Variants in CIBAR1 observed in about 807,000 individuals in gnomAD.
The protein encoded by CIBAR1 is CBY1-interacting BAR domain-containing protein 1.
A neutral mutation model predicts 44.0 loss-of-function variants in CIBAR1; 25 were observed. That is an observed-to-expected ratio of 0.57 (90% CI 0.41 to 0.79). CIBAR1 has a LOEUF of 0.79. Ranked by LOEUF, CIBAR1 falls within the 30% of genes least tolerant of loss-of-function variation. CIBAR1 has a pLI of 0.00. For missense variants in CIBAR1, 278 were observed against 344.8 expected (o/e 0.81, Z 1.53); for synonymous variants, 115 against 119.0 (o/e 0.97, Z 0.22).
At chr8:93,726,600 A>G in intron 8 of CIBAR1, 87 bp downstream of exon 8, 1 of 1,498,576 alleles carries the variant, frequency 6.7e-7, no homozygotes, top group East Asian at 2.4e-5. Context: ...CAGTCATATC[A>G]CCTCGGTAAC....
intron 6 of CIBAR1, among the ~76,000 whole-genome samples, chr8:93,710,351 G>T (rs1487195604): frequency 3.4e-5 from 5 of 148,340 alleles, no homozygotes; most frequent in African/African-American, 4.9e-5. Flanking sequence ...AAATGTATTG[G>T]TTTTTTTTTT....
rs971760042 is a variant in CIBAR1, at chr8:93,730,143, G to A, written c.*1846G>A. 2.0e-5 allele frequency: 3 copies of A among 152,224 alleles called. No individual in the cohort carries two copies. The highest frequency in any genetic ancestry group is 7.2e-5 in the African/African-American group (3 of 41,524). 9.4% of individuals were successfully genotyped at this position (152,224 alleles called of 1,614,324 possible). On this transcript the variant is annotated 3_prime_UTR_variant, in exon 9 of 9. Coordinates refer to ENST00000518322, the MANE Select transcript of CIBAR1 (RefSeq NM_145269.5). Reference sequence around the variant, plus strand: ...ACTCAACCTGTAGTACATTTACTAGGATTATCAGAATTAAATGATAGTTAA... The same window carrying A: ...ACTCAACCTGTAGTACATTTACTAGAATTATCAGAATTAAATGATAGTTAA...
Position 93,708,260 on chromosome 8 carries a change from G to A in CIBAR1, c.438+244G>A, listed in dbSNP as rs895539725. Among the ~76,000 whole-genome samples, 24 of 152,082 alleles carry A rather than the reference G, an allele frequency of 1.6e-4. 1 individual carries two copies. The highest frequency in any genetic ancestry group is 1.2e-3 in the Admixed American group (19 of 15,270). The stretch of plus-strand genomic sequence containing the variant: ...AACTTTATTAGGAAGAATTTAATCC[G>A]AAAACTGGGCTGTGTCTTTTTAAAT... On this transcript the variant is annotated intron_variant, in intron 5 of 8. Coordinates refer to ENST00000518322, the MANE Select transcript of CIBAR1 (RefSeq NM_145269.5).
chr8:93,703,825 GA>G, intron 3 of CIBAR1, 137 bp downstream of exon 3: 1 of 636,772 alleles, frequency 1.6e-6, no homozygotes. Context: ...AACACTTTGG[GA>G]GGTCGAGGCG....
Position 93,726,382 on chromosome 8 carries a change from T to A in CIBAR1, c.658-12T>A. On this transcript the variant is annotated splice_polypyrimidine_tract_variant and intron_variant, in intron 7 of 8. Transcript: ENST00000518322. ...GCATCTACTTTATAATGCTATTTTA[T>A]CATTACAATAGGTTTTCCGAAATTC... 6.2e-7 allele frequency: 1 copy of A among 1,606,718 alleles called. No homozygotes were observed.
At chr8:93,726,605 G>T in intron 8 of CIBAR1, 92 bp downstream of exon 8, 1 of 1,468,858 alleles carries the variant, frequency 6.8e-7, no homozygotes, top group Admixed American at 2.0e-5. Context: ...ATATCACCTC[G>T]GTAACTTATC....
intron 1 of CIBAR1, 134 bp downstream of exon 1, chr8:93,700,807 A>T (rs1304297265): frequency 7.5e-7 from 1 of 1,336,954 alleles, no homozygotes; most frequent in Non-Finnish European, 9.6e-7. Flanking sequence ...CCCCGCTGTG[A>T]CCTGGGGCCT....
At chr8:93,719,215 A>G (rs1321877433) in intron 7 of CIBAR1, among the ~76,000 whole-genome samples, 3 of 152,222 alleles carry the variant, frequency 2.0e-5, no homozygotes, top group African/African-American at 4.8e-5. Flanking sequence ...GTGTAATCCA[A>G]AATAGATGAA....
chr8:93,704,806 A>G (rs1810515059), intron 3 of CIBAR1, 103 bp from the exon 4 acceptor site: 2 of 645,224 alleles, frequency 3.1e-6, no homozygotes, highest in South Asian at 4.5e-5. Context: ...CACAAGAAGT[A>G]TTCTTCCATT....
intron 6 of CIBAR1, 142 bp downstream of exon 6, chr8:93,710,017 G>C: frequency 1.6e-6 from 1 of 617,856 alleles, no homozygotes; most frequent in Admixed American, 2.9e-5. Flanking sequence ...GGGCACAGTG[G>C]CTTATGCCTG....
At chr8:93,717,497 A>C (rs187277972) in intron 6 of CIBAR1, among the ~76,000 whole-genome samples, 2 of 152,320 alleles carry the variant, frequency 1.3e-5, no homozygotes, top group Admixed American at 1.3e-4. Context: ...TTTTTTACCT[A>C]GGCCCTGTCC....
chr8:93,726,211 T>C (rs1207869918), intron 7 of CIBAR1, 183 bp from the exon 8 acceptor site: 1 of 525,886 alleles, frequency 1.9e-6, no homozygotes, highest in East Asian at 3.5e-5. Flanking sequence ...TCAAATAGAA[T>C]TTTTAGCTTT....
intron 8 of CIBAR1, among the ~76,000 whole-genome samples, chr8:93,727,639 A>G (rs1811582685): frequency 1.3e-5 from 2 of 152,220 alleles, no homozygotes; most frequent in South Asian, 4.1e-4. Context: ...ATAAACACAC[A>G]GCCCCAATAC....
At chr8:93,715,961 T>A (rs1230202751) in intron 6 of CIBAR1, 1 of 152,192 alleles carries the variant, frequency 6.6e-6, no homozygotes, top group Non-Finnish European at 1.5e-5. Context: ...TAATATATAT[T>A]TTTAAAACTT....
At chr8:93,710,370 C>G (rs1019918154) in intron 6 of CIBAR1, among the ~76,000 whole-genome samples, 1 of 148,218 alleles carries the variant, frequency 6.7e-6, no homozygotes, top group Non-Finnish European at 1.5e-5. Flanking sequence ...TTAGTAGAAA[C>G]AGTGATATAT....
intron 1 of CIBAR1, chr8:93,700,984 A>G: frequency 7.2e-7 from 1 of 1,395,530 alleles, no homozygotes; most frequent in Non-Finnish European, 9.2e-7. Flanking sequence ...CAGCCGGAGC[A>G]GCCACCTCCC....
Position 93,701,448 on chromosome 8 carries a change from G to T in CIBAR1, c.251G>T (p.Arg84Leu). The T allele has an allele frequency of 6.2e-7, 1 of 1,612,924 alleles. No homozygotes were observed. Among genetic ancestry groups the T allele is most frequent in the South Asian group, 1.1e-5 (1 of 90,824 alleles). ...ADEFAKLQDYRQAEVERLEAK... is the reference protein window; with the variant it reads ...ADEFAKLQDYLQAEVERLEAK... ...GAGTTTGCCAAACTTCAGGATTATC[G>T]ACAAGCAGAGGTATGGAGTGAGATC... Residue 84 changes from arginine (R) to leucine (L), a missense_variant, in exon 2 of 9, where the codon CGA (arginine) becomes CTA (leucine). Arg to Leu is a moderately radical substitution (Grantham distance 102). This residue lies in a region of CIBAR1 where 183 missense variants were observed against 218.6 expected (regional missense o/e 0.84). Coordinates refer to ENST00000518322, the MANE Select transcript of CIBAR1 (RefSeq NM_145269.5).
rs978978303 is a variant in CIBAR1 at position 93,701,507 on chromosome 8, G to C, written c.261+49G>C. 3.3e-5 allele frequency: 50 copies of C among 1,502,766 alleles called. No individual in the cohort carries two copies. In the East Asian group the frequency reaches 1.1e-3, roughly 34 times the overall value. 93.1% of individuals were successfully genotyped at this position (1,502,766 alleles called of 1,614,324 possible). ...ATTGTTATGAATGAGCCATGAAGTA[G>C]TGGATGAAGGAACCGTGGAAACTTT... is the stretch of plus-strand genomic sequence containing the variant. On this transcript the variant is annotated intron_variant, in intron 2 of 8. Transcript: ENST00000518322.
chr8:93,727,553 C>T (rs1004125220), intron 8 of CIBAR1, among the ~76,000 whole-genome samples: 1 of 152,202 alleles, frequency 6.6e-6, no homozygotes, highest in Non-Finnish European at 1.5e-5. Context: ...GGACGGAATA[C>T]TGTCCTGTAT....
Sources: allele counts gnomAD v4.1 joint callset (sites outside exome capture counted in the v4.1 genomes callset), GRCh38; gene constraint gnomAD v4.1.1; regional missense constraint gnomAD v4.1.1; transcripts MANE v1.5; gene names NCBI Gene and HGNC (gene_info 2026-07-23, HGNC 2026-07-21).